LHFPL3: variants seen among roughly 807,000 people sequenced by gnomAD.
LHFPL3 encodes LHFPL tetraspan subfamily member 3 protein.
A neutral mutation model predicts 19.3 loss-of-function variants in LHFPL3; 5 were observed. That is an observed-to-expected ratio of 0.26 (90% CI 0.14 to 0.54). LHFPL3 has a LOEUF of 0.54. LHFPL3 is among the 20% of genes least tolerant of loss of function. LHFPL3 has a pLI of 0.94. For synonymous variants in LHFPL3, 133 were observed against 126.2 expected (o/e 1.05, Z -0.36); for missense variants, 249 against 307.4 (o/e 0.81, Z 1.42).
intron 1 of LHFPL3, among the ~76,000 whole-genome samples, chr7:104,638,459 T>G (rs147062289): frequency 6.6e-6 from 1 of 152,112 alleles, no homozygotes; most frequent in South Asian, 2.1e-4. Context: ...GGCATCCTTG[T>G]CTTGTGCCAG....
At chr7:104,792,869 T>C (rs1337935848) in intron 2 of LHFPL3, among the ~76,000 whole-genome samples, 3 of 152,162 alleles carry the variant, frequency 2.0e-5, no homozygotes, top group African/African-American at 2.4e-5. Context: ...TGACCATCAG[T>C]CTGCATCGGA....
At chr7:104,860,987 C>T (rs1321968175) in intron 2 of LHFPL3, among the ~76,000 whole-genome samples, 3 of 152,176 alleles carry the variant, frequency 2.0e-5, no homozygotes, top group Non-Finnish European at 2.9e-5. Flanking sequence ...TTTTCTCCGA[C>T]AATCTTGTGC....
At chr7:104,369,237 C>T (rs1228531215) in intron 1 of LHFPL3, among the ~76,000 whole-genome samples, 2 of 152,204 alleles carry the variant, frequency 1.3e-5, no homozygotes, top group Admixed American at 6.5e-5. Context: ...CCAAGTTCCA[C>T]CTCTAGCCTC....
intron 2 of LHFPL3, among the ~76,000 whole-genome samples, chr7:104,810,237 G>A (rs1357107018): frequency 6.6e-6 from 1 of 152,156 alleles, no homozygotes; most frequent in South Asian, 2.1e-4. Flanking sequence ...TGGGCTCTGT[G>A]GGCCCCGGAC....
intron 2 of LHFPL3, among the ~76,000 whole-genome samples, chr7:104,779,847 G>A (rs577115269): frequency 2.0e-5 from 3 of 152,322 alleles, no homozygotes; most frequent in South Asian, 2.1e-4. Flanking sequence ...GCAAGACTCC[G>A]TCGCCGGAGC....
At chr7:104,504,695 C>A (rs563471214) in intron 1 of LHFPL3, among the ~76,000 whole-genome samples, 2 of 152,228 alleles carry the variant, frequency 1.3e-5, no homozygotes, top group Admixed American at 6.5e-5. Context: ...CAACTATCTA[C>A]CCACATTATA....
chr7:104,735,192 G>T (rs989411235), intron 1 of LHFPL3, among the ~76,000 whole-genome samples: 2 of 152,218 alleles, frequency 1.3e-5, no homozygotes, highest in African/African-American at 2.4e-5. Flanking sequence ...GCAGTCTGTT[G>T]GTTCTCAGAT....
intron 1 of LHFPL3, among the ~76,000 whole-genome samples, chr7:104,360,310 C>T (rs1004245013): frequency 1.3e-5 from 2 of 152,196 alleles, no homozygotes; most frequent in African/African-American, 4.8e-5. Context: ...CACAGTTAAC[C>T]TCCCCTGTGC....
chr7:104,885,866 G>T (rs937327319), intron 2 of LHFPL3, among the ~76,000 whole-genome samples: 1 of 151,502 alleles, frequency 6.6e-6, no homozygotes, highest in Non-Finnish European at 1.5e-5. Flanking sequence ...TATATTGCCC[G>T]GTTCACCCTG....
chr7:104,430,388 A>ATATATATATATACATG (rs1791945124), intron 1 of LHFPL3, among the ~76,000 whole-genome samples: 2 of 50,054 alleles, frequency 4.0e-5, no homozygotes, highest in African/African-American at 2.1e-4. Flanking sequence ...ATATACATAT[A>ATATATATATATACATG]TATATATATA....
At chr7:104,559,877 G>C (rs1169607315) in intron 1 of LHFPL3, among the ~76,000 whole-genome samples, 2 of 142,832 alleles carry the variant, frequency 1.4e-5, no homozygotes, top group African/African-American at 6.0e-5. Flanking sequence ...TTTATTGAGA[G>C]TTTTTAGCAT....
intron 1 of LHFPL3, chr7:104,470,007 T>A: frequency 2.2e-6 from 1 of 455,986 alleles, no homozygotes; most frequent in South Asian, 1.5e-5. Flanking sequence ...AATGTCAAAA[T>A]CCCAGGTAAT....
intron 2 of LHFPL3, among the ~76,000 whole-genome samples, chr7:104,842,282 C>A (rs1035562234): frequency 9.8e-5 from 11 of 112,612 alleles, no homozygotes; most frequent in Non-Finnish European, 1.3e-4. Context: ...AGCGGTAGAA[C>A]CTTTTGCGGG....
chr7:104,603,912 T>A (rs2115713306), intron 1 of LHFPL3, among the ~76,000 whole-genome samples: 1 of 152,368 alleles, frequency 6.6e-6, no homozygotes, highest in Non-Finnish European at 1.5e-5. Context: ...CTGAGTTTAC[T>A]CTACCCAGTA....
intron 1 of LHFPL3, among the ~76,000 whole-genome samples, chr7:104,424,906 C>T (rs990051437): frequency 2.7e-5 from 4 of 147,518 alleles, no homozygotes; most frequent in South Asian, 4.3e-4. Context: ...GGCGTGAACC[C>T]GGGAGGAAGA....
At chr7:104,595,120 C>T (rs760925357) in intron 1 of LHFPL3, among the ~76,000 whole-genome samples, 14 of 152,216 alleles carry the variant, frequency 9.2e-5, no homozygotes, top group African/African-American at 2.2e-4. Flanking sequence ...AGAAGAGGCA[C>T]TCTGATTTTG....
In LHFPL3 at chr7:104,600,130, C is replaced by T. The variant is rs138681494; in HGVS notation, c.446-136545C>T. On this transcript the variant is annotated intron_variant, in intron 1 of 2. Coordinates refer to ENST00000424859, the MANE Select transcript of LHFPL3 (RefSeq NM_199000.3). ...TTTATTTTGTGTTAAACCATTGGAACTATAACCTGGGGTACCCTAAAAACA... is the reference window on the plus strand; with the variant it reads ...TTTATTTTGTGTTAAACCATTGGAATTATAACCTGGGGTACCCTAAAAACA... Among the ~76,000 whole-genome samples the T allele has an allele frequency of 2.7e-3, 416 of 152,262 alleles. 4 individuals are homozygous for T. The highest frequency in any genetic ancestry group is 9.1e-3 in the African/African-American group (377 of 41,552).
intron 1 of LHFPL3, among the ~76,000 whole-genome samples, chr7:104,685,234 C>T (rs1488274990): frequency 6.6e-6 from 1 of 152,202 alleles, no homozygotes; most frequent in African/African-American, 2.4e-5. Flanking sequence ...GTAGTCCCAG[C>T]TACTCAGGAG....
chr7:104,862,380 G>A (rs867301298), intron 2 of LHFPL3, among the ~76,000 whole-genome samples: 2 of 152,098 alleles, frequency 1.3e-5, no homozygotes, highest in African/African-American at 2.4e-5. Flanking sequence ...CAGGCACCAG[G>A]CACTTTAAAA....
Sources: gnomAD v4.1 joint callset for allele counts (sites outside exome capture counted in the v4.1 genomes callset) on GRCh38, gnomAD v4.1.1 for gene constraint, MANE v1.5 for transcripts, NCBI Gene and HGNC (gene_info 2026-07-23, HGNC 2026-07-21) for gene names.